CAMTA1: variants seen among roughly 807,000 people sequenced by gnomAD.
The protein encoded by CAMTA1 is calmodulin-binding transcription activator 1.
CAMTA1 carries 27 observed loss-of-function variants against 170.9 expected under a neutral mutation model. The ratio of observed to expected loss-of-function variants is 0.16; its 90% CI spans 0.12 to 0.22. The LOEUF is 0.22. CAMTA1 is among the 10% of genes least tolerant of loss of function. CAMTA1 has a pLI of 1.00. For synonymous variants in CAMTA1, 833 were observed against 891.5 expected, an observed-to-expected ratio of 0.93 and a Z score of 1.17; for missense variants, 1,619 against 2,217.2, an observed-to-expected ratio of 0.73 and a Z score of 5.42.
intron 5 of CAMTA1, among the ~76,000 whole-genome samples, chr1:7,329,322 C>G (rs1199654033): frequency 6.6e-6 from 1 of 152,056 alleles, no homozygotes; most frequent in African/African-American, 2.4e-5. Flanking sequence ...ATATTTTGAC[C>G]AATTAAGATG....
chr1:7,284,743 C>T (rs750596451), intron 5 of CAMTA1, among the ~76,000 whole-genome samples: 11 of 152,204 alleles, frequency 7.2e-5, no homozygotes, highest in African/African-American at 1.9e-4. Flanking sequence ...GGCCTTTGCA[C>T]GTGTTCTGCT....
intron 4 of CAMTA1, among the ~76,000 whole-genome samples, chr1:7,221,413 G>C (rs1008554597): frequency 6.6e-6 from 1 of 152,158 alleles, no homozygotes; most frequent in Non-Finnish European, 1.5e-5. Flanking sequence ...TTCACGAGCA[G>C]AGCCATTGCT....
chr1:6,798,600 T>TAGTAGAGG (rs1435736432), intron 1 of CAMTA1, among the ~76,000 whole-genome samples: 42 of 127,994 alleles, frequency 3.3e-4, no homozygotes, highest in East Asian at 9.8e-4. Flanking sequence ...TTTTTTTTTT[T>TAGTAGAGG]TTTTTTTGAG....
intron 4 of CAMTA1, among the ~76,000 whole-genome samples, chr1:7,237,677 T>C: frequency 6.6e-6 from 1 of 152,246 alleles, no homozygotes; most frequent in East Asian, 1.9e-4. Flanking sequence ...TTATTAATCA[T>C]CTTTTATCTA....
intron 3 of CAMTA1, among the ~76,000 whole-genome samples, chr1:7,058,770 G>T (rs183600423): frequency 5.0e-4 from 76 of 152,258 alleles, no homozygotes; most frequent in African/African-American, 1.7e-3. Context: ...GCACATTCTA[G>T]CTGTTATCCT....
In CAMTA1 at chr1:6,893,053, G is replaced by A. The variant is rs373395677; in HGVS notation, c.234+67843G>A. ...CCCAGCACTTTTGGGAGGCCGAGGCGGGCGGATCACGAGGTCAGGAGTTCG... is the reference window on the plus strand; with the variant it reads ...CCCAGCACTTTTGGGAGGCCGAGGCAGGCGGATCACGAGGTCAGGAGTTCG... On this transcript the variant is annotated intron_variant, in intron 3 of 22. Transcript: ENST00000303635. Among the ~76,000 whole-genome samples the A allele has an allele frequency of 5.9e-5, 9 of 152,040 alleles. No individual in the cohort carries two copies. The East Asian group carries it at 1.5e-3, about 26-fold the overall frequency.
In CAMTA1 at chr1:7,146,832, A is replaced by G. The variant is rs904457555; in HGVS notation, c.302+55461A>G. On this transcript the variant is annotated intron_variant, in intron 4 of 22. Coordinates refer to ENST00000303635, the MANE Select transcript of CAMTA1 (RefSeq NM_015215.4). The surrounding 1 kb of genome is among the most constrained non-coding windows in gnomAD (Gnocchi z 4.3). The stretch of plus-strand genomic sequence containing the variant: ...CACCATGTGCACACACACCACACAC[A>G]CATATACCATGCACACACAAACACA... 2.0e-5 allele frequency among the ~76,000 whole-genome samples: 3 copies of G among 151,862 alleles called. No homozygotes were observed. Among genetic ancestry groups the G allele is most frequent in the African/African-American group, 7.3e-5 (3 of 41,316 alleles).
rs999809954 is a variant in CAMTA1 at position 7,562,855 on chromosome 1, C to T, written c.511-77545C>T. 1.3e-5 allele frequency among the ~76,000 whole-genome samples: 2 copies of T among 152,210 alleles called. No individual in the cohort carries two copies. The highest frequency in any genetic ancestry group is 4.8e-5 in the African/African-American group (2 of 41,460). On this transcript the variant is annotated intron_variant, in intron 6 of 22. Coordinates refer to ENST00000303635, the MANE Select transcript of CAMTA1 (RefSeq NM_015215.4). This position sits in a 1 kb window ranked among gnomAD's most constrained non-coding sequence, Gnocchi z 4.8. ...GCCCTCTAACCCCACCGCCCACTCA[C>T]CTGCAGCCTGTCAACAGCCAGCTCC...
chr1:7,448,732 T>G (rs1213183052), intron 5 of CAMTA1, among the ~76,000 whole-genome samples: 2 of 152,200 alleles, frequency 1.3e-5, no homozygotes, highest in African/African-American at 4.8e-5. Flanking sequence ...CTCCAGCCTC[T>G]TTTTATAAGG....
Position 7,404,651 on chromosome 1 carries a change from G to A in CAMTA1, c.439-63179G>A, listed in dbSNP as rs557742581. On this transcript the variant is annotated intron_variant, in intron 5 of 22. Transcript: ENST00000303635. ...AGGCCCACGTCCGTCCCCTCACCCT[G>A]GCTCCCCAGGAGTCCTGCTGAGGGC... Among the ~76,000 whole-genome samples the A allele has an allele frequency of 2.0e-5, 3 of 152,274 alleles. No individual in the cohort carries two copies. In the East Asian group the frequency reaches 5.8e-4, roughly 30 times the overall value.
chr1:7,020,532 C>T (rs375759791), intron 3 of CAMTA1, among the ~76,000 whole-genome samples: 97 of 152,318 alleles, frequency 6.4e-4, no homozygotes, highest in Admixed American at 2.1e-3. Context: ...AGAATGTGTC[C>T]TTGTCATTAT....
At chr1:6,941,444 G>A (rs575957284) in intron 3 of CAMTA1, among the ~76,000 whole-genome samples, 47 of 152,292 alleles carry the variant, frequency 3.1e-4, no homozygotes, top group South Asian at 1.9e-3. Flanking sequence ...AGCCGTGACC[G>A]GGAGAGTGTG....
At chr1:7,004,674 T>C (rs1420544899) in intron 3 of CAMTA1, among the ~76,000 whole-genome samples, 1 of 152,200 alleles carries the variant, frequency 6.6e-6, no homozygotes. Context: ...CCCTTCATCC[T>C]TATCCCCCAT....
At chr1:6,831,214 G>T (rs1650006239) in intron 3 of CAMTA1, among the ~76,000 whole-genome samples, 1 of 152,170 alleles carries the variant, frequency 6.6e-6, no homozygotes, top group African/African-American at 2.4e-5. Context: ...TGTAACTTGA[G>T]CATTAAGCCT....
In CAMTA1 at chr1:6,965,453, G is replaced by C. The variant is rs1175096321; in HGVS notation, c.235-125851G>C. Among the ~76,000 whole-genome samples, 1 of 152,162 alleles carries C rather than the reference G, an allele frequency of 6.6e-6. No homozygotes were observed. The highest frequency in any genetic ancestry group is 2.4e-5 in the African/African-American group (1 of 41,420). ...AGCAGACCAAAGGTAATGCATTTCA[G>C]CTGCCTGTGGGGGAAGGTAAATGTG... On this transcript the variant is annotated intron_variant, in intron 3 of 22. Coordinates refer to ENST00000303635, the MANE Select transcript of CAMTA1 (RefSeq NM_015215.4). This position sits in a 1 kb window ranked among gnomAD's most constrained non-coding sequence, Gnocchi z 4.1.
At chr1:6,999,246 AC>A in intron 3 of CAMTA1, among the ~76,000 whole-genome samples, 2 of 152,308 alleles carry the variant, frequency 1.3e-5, no homozygotes, top group Middle Eastern at 6.8e-3. Context: ...TCTTTGTGTT[AC>A]GTTGTTCTTG....
At chr1:6,904,878 C>T (rs1369708150) in intron 3 of CAMTA1, among the ~76,000 whole-genome samples, 1 of 151,872 alleles carries the variant, frequency 6.6e-6, no homozygotes, top group Non-Finnish European at 1.5e-5. Flanking sequence ...CAGGCGTGAG[C>T]CGCCACACCT....
chr1:6,891,228 A>G (rs1460760231), intron 3 of CAMTA1, among the ~76,000 whole-genome samples: 2 of 152,238 alleles, frequency 1.3e-5, no homozygotes, highest in Non-Finnish European at 2.9e-5. Context: ...TGGAGTGCCC[A>G]TAGATCCCTT....
At chr1:7,140,747 T>G (rs763762219) in intron 4 of CAMTA1, among the ~76,000 whole-genome samples, 20 of 152,194 alleles carry the variant, frequency 1.3e-4, no homozygotes, top group Admixed American at 4.6e-4. Context: ...TTTAATATAA[T>G]TAAATTTTAA....
Sources: gnomAD v4.1 joint callset for allele counts (sites outside exome capture counted in the v4.1 genomes callset) on GRCh38, gnomAD v4.1.1 for gene constraint, Gnocchi (gnomAD v3.1) non-coding constraint, MANE v1.5 for transcripts, NCBI Gene and HGNC (gene_info 2026-07-23, HGNC 2026-07-21) for gene names.